The following ARHGAP29 variants were observed in gnomAD, a reference collection of about 807,000 sequenced individuals.
ARHGAP29 encodes the protein rho GTPase-activating protein 29.
A neutral mutation model predicts 122.6 loss-of-function variants in ARHGAP29; 43 were observed. That is an observed-to-expected ratio of 0.35 (90% CI 0.27 to 0.45). The LOEUF (loss-of-function observed/expected upper bound fraction) is 0.45. Ranked by LOEUF, ARHGAP29 falls within the 20% of genes least tolerant of loss-of-function variation. The probability of loss-of-function intolerance (pLI) is 1.00; values close to 1 mark genes in which losing one functional copy is unlikely to be tolerated. For missense variants in ARHGAP29, 1,303 were observed against 1,477.2 expected (o/e 0.88, Z 1.93); for synonymous variants, 506 against 497.1 (o/e 1.02, Z -0.24).
At chr1:94,182,441 T>C (rs1201197581) in intron 19 of ARHGAP29, among the ~76,000 whole-genome samples, 2 of 152,042 alleles carry the variant, frequency 1.3e-5, no homozygotes, top group African/African-American at 2.4e-5. Flanking sequence ...CTAACCAGGA[T>C]TGGCAGCGCT....
the ARHGAP29 span, among the ~76,000 whole-genome samples, chr1:94,313,725 C>A: frequency 6.6e-6 from 1 of 152,124 alleles, no homozygotes; most frequent in African/African-American, 2.4e-5. Flanking sequence ...TGGAACCAAC[C>A]CAAATGTCTA....
intron 12 of ARHGAP29, chr1:94,194,864 C>T (rs1415850189): frequency 6.6e-6 from 1 of 152,184 alleles, no homozygotes; most frequent in Non-Finnish European, 1.5e-5. Context: ...TGCTGCTTAA[C>T]TGGTTGACTC....
At chr1:94,282,306 A>T in the ARHGAP29 span, among the ~76,000 whole-genome samples, 2 of 146,718 alleles carry the variant, frequency 1.4e-5, no homozygotes, top group African/African-American at 5.1e-5. Context: ...TTTATTTTTG[A>T]GACGAAGTCT....
chr1:94,196,564 G>A (rs1650496068), intron 12 of ARHGAP29, among the ~76,000 whole-genome samples: 1 of 151,808 alleles, frequency 6.6e-6, no homozygotes, highest in Non-Finnish European at 1.5e-5. Flanking sequence ...CCCGGCCCCT[G>A]TTTTTCTTTT....
chr1:94,267,209 A>T (rs953640493), intron 1 of ARHGAP29, among the ~76,000 whole-genome samples: 19 of 152,202 alleles, frequency 1.2e-4, no homozygotes, highest in Admixed American at 5.9e-4. Flanking sequence ...CTGGGACCTT[A>T]TGGGGCCATC....
intron 4 of ARHGAP29, 106 bp downstream of exon 4, chr1:94,209,148 T>C: frequency 1.1e-6 from 1 of 900,016 alleles, no homozygotes; most frequent in African/African-American, 1.7e-5. Flanking sequence ...TTGTGATATT[T>C]AATACCATTT....
Position 94,172,794 on chromosome 1 carries a change from T to C in ARHGAP29, c.*1075A>G, listed in dbSNP as rs370309447. 4 of 152,516 alleles carry C rather than the reference T, an allele frequency of 2.6e-5. No individual in the cohort carries two copies. The highest frequency in any genetic ancestry group is 3.8e-4 in the East Asian group (2 of 5,196). The allele number at this position is 152,516 out of a possible 1,614,324, so 9.4% of individuals were successfully genotyped here. A position where few individuals can be genotyped will look rare whatever the true frequency, so the allele number is the denominator to read the frequency against. On this transcript the variant is annotated 3_prime_UTR_variant, in exon 23 of 23. Coordinates refer to ENST00000260526, the MANE Select transcript of ARHGAP29 (RefSeq NM_004815.4). Reference sequence around the variant, plus strand: ...CTAGTCCTAAAAACTGGACCTTTTATAAATGAAACAGATCCGATCACCTAT... The same window carrying C: ...CTAGTCCTAAAAACTGGACCTTTTACAAATGAAACAGATCCGATCACCTAT...
chr1:94,188,725 T>G, intron 15 of ARHGAP29, 112 bp downstream of exon 15: 5 of 862,374 alleles, frequency 5.8e-6, no homozygotes, highest in Non-Finnish European at 9.1e-6. Context: ...TTGTACACTT[T>G]CCTCTCTATT....
intron 5 of ARHGAP29, among the ~76,000 whole-genome samples, chr1:94,207,963 CCCTTT>C (rs1481834041): frequency 1.4e-4 from 22 of 152,136 alleles, no homozygotes; most frequent in African/African-American, 5.3e-4. Flanking sequence ...CTCTCAGCTT[CCCTTT>C]CAAGTAGCTG....
the ARHGAP29 span, among the ~76,000 whole-genome samples, chr1:94,282,531 C>T: frequency 6.6e-6 from 1 of 152,046 alleles, no homozygotes; most frequent in Non-Finnish European, 1.5e-5. Context: ...CCATCTAGGC[C>T]TCCGAAAGTG....
the ARHGAP29 span, among the ~76,000 whole-genome samples, chr1:94,293,305 C>T: frequency 7.2e-5 from 11 of 152,334 alleles, no homozygotes; most frequent in Admixed American, 6.5e-5. Context: ...GAGGGAATCT[C>T]CTGGTCTGCC....
At chr1:94,205,594 A>G (rs1280424672) in intron 6 of ARHGAP29, 41 bp downstream of exon 6, 57 of 1,560,258 alleles carry the variant, frequency 3.7e-5, no homozygotes, top group Non-Finnish European at 4.9e-5. Flanking sequence ...GAAAGTAACT[A>G]CAAGAAGTTT....
the ARHGAP29 span, among the ~76,000 whole-genome samples, chr1:94,289,859 A>T: frequency 5.3e-5 from 8 of 152,164 alleles, no homozygotes; most frequent in African/African-American, 1.9e-4. Context: ...ATTGTGGTGG[A>T]TAAGCTTTTT....
intron 1 of ARHGAP29, among the ~76,000 whole-genome samples, chr1:94,270,356 G>A (rs1654939536): frequency 6.6e-6 from 1 of 152,224 alleles, no homozygotes; most frequent in African/African-American, 2.4e-5. Flanking sequence ...TTTGGGTTCT[G>A]CACTTTTTGA....
intron 1 of ARHGAP29, among the ~76,000 whole-genome samples, chr1:94,258,009 T>C (rs1369680628): frequency 2.0e-5 from 3 of 152,170 alleles, no homozygotes; most frequent in Non-Finnish European, 2.9e-5. Context: ...TGGATTCTGG[T>C]GTTGGAGGAC....
At chr1:94,285,580 G>A in the ARHGAP29 span, among the ~76,000 whole-genome samples, 2 of 151,898 alleles carry the variant, frequency 1.3e-5, no homozygotes, top group South Asian at 4.2e-4. Flanking sequence ...AGAAGGAGAG[G>A]GAATGTACTG....
At chr1:94,233,609 GCTCCT>G (rs1653066329) in intron 1 of ARHGAP29, among the ~76,000 whole-genome samples, 1 of 152,042 alleles carries the variant, frequency 6.6e-6, no homozygotes, top group African/African-American at 2.4e-5. Flanking sequence ...ATGAGATCTG[GCTCCT>G]ACCTACCTGT....
chr1:94,231,622 AAC>A lies in ARHGAP29; in HGVS notation c.-13_-12del, dbSNP rs1234334833. On this transcript the variant is annotated 5_prime_UTR_variant, in exon 2 of 23. Transcript: ENST00000260526. ...TTTGTGAGCAATCATCCTTTCATGT[AAC>A]AGTCAGAAAAACTGAAATCCTTAAG... 4.3e-6 allele frequency: 7 copies of A among 1,609,492 alleles called. No individual in the cohort carries two copies. In the Admixed American group the frequency reaches 5.1e-5, roughly 12 times the overall value.
At chr1:94,180,027 G>T in intron 19 of ARHGAP29, 70 bp from the exon 20 acceptor site, 2 of 1,023,932 alleles carry the variant, frequency 2.0e-6, no homozygotes, top group Non-Finnish European at 2.8e-6. Flanking sequence ...ATTACTAACA[G>T]TTACAGAGTG....
Sources: gnomAD v4.1 joint callset for allele counts (sites outside exome capture counted in the v4.1 genomes callset) on GRCh38, gnomAD v4.1.1 for gene constraint, MANE v1.5 for transcripts, NCBI Gene and HGNC (gene_info 2026-07-23, HGNC 2026-07-21) for gene names.